GNB2: variants seen among roughly 807,000 people sequenced by gnomAD.
The protein encoded by GNB2 is G protein subunit beta 2.
Under a neutral mutation model 40.7 loss-of-function variants are expected in GNB2, and 7 were observed. That is an observed-to-expected ratio of 0.17 (90% CI 0.10 to 0.32). The LOEUF is 0.32. GNB2 is among the 10% of genes least tolerant of loss of function. The pLI, the probability that GNB2 is intolerant of heterozygous loss-of-function variation, is 1.00. For missense variants in GNB2, 286 were observed against 473.0 expected (o/e 0.60, Z 3.67); for synonymous variants, 254 against 191.2 (o/e 1.33, Z -2.71).
Position 100,677,498 on chromosome 7 carries a change from G to A in GNB2, c.268G>A (p.Val90Ile), listed in dbSNP as rs199810512. The change falls in exon 6 of 10, where the codon GTC becomes ATC. Residue 90 changes from valine to isoleucine, a missense_variant and splice_region_variant. Val to Ile is a conservative substitution (Grantham distance 29). Coordinates refer to ENST00000303210, the MANE Select transcript of GNB2 (RefSeq NM_005273.4). ...IIWDSYTTNK[V>I]HAIPLRSSWV... ...CCCCGGCGCTTCCCCTGCTCCGCAG[G>A]TCCACGCCATCCCGCTGCGCTCCTC... The A allele has an allele frequency of 1.2e-5, 20 of 1,613,290 alleles. No homozygotes were observed. Among genetic ancestry groups the A allele is most frequent in the Admixed American group, 1.7e-5 (1 of 60,006 alleles).
intron 3 of GNB2, 24 bp downstream of exon 3, chr7:100,676,597 CG>C: frequency 6.3e-7 from 1 of 1,599,128 alleles, no homozygotes; most frequent in Non-Finnish European, 8.6e-7. Context: ...GTGGCCAGAG[CG>C]TAACTAGGGG....
rs1804399083 is a variant in GNB2 at position 100,678,135 on chromosome 7, G to A, written c.535G>A (p.Gly179Ser). The A allele has an allele frequency of 6.2e-7, 1 of 1,614,000 alleles. No homozygotes were observed. The stretch of plus-strand genomic sequence containing the variant: ...CATTGAGACAGGCCAGCAGACAGTG[G>A]GTTTTGCTGGACACAGTGGGGATGT... ...WDIETGQQTV[G>S]FAGHSGDVMS... Residue 179 changes from glycine (G) to serine (S), a missense_variant, in exon 8 of 10, where the codon GGT becomes AGT. Physicochemically the swap from Gly to Ser is moderately conservative, Grantham distance 56. Coordinates refer to ENST00000303210, the MANE Select transcript of GNB2 (RefSeq NM_005273.4).
intron 1 of GNB2, among the ~76,000 whole-genome samples, chr7:100,675,008 C>T (rs1455250361): frequency 1.3e-5 from 2 of 152,150 alleles, no homozygotes; most frequent in East Asian, 1.9e-4. Context: ...AGAGGAACGC[C>T]CTGCGCCTGG....
chr7:100,677,374 GA>G lies in GNB2; in HGVS notation c.227del (p.Asp76ValfsTer25). 1 of 1,613,968 alleles carries G rather than the reference GA, an allele frequency of 6.2e-7. No homozygotes were observed. Among genetic ancestry groups the G allele is most frequent in the Non-Finnish European group, 8.5e-7 (1 of 1,179,934 alleles). On this transcript the variant is annotated frameshift_variant, in exon 5 of 10. Coordinates refer to ENST00000303210, the MANE Select transcript of GNB2 (RefSeq NM_005273.4). LOFTEE classifies it high-confidence loss of function. ...CAGGCTGCTGGTCAGCGCCTCCCAGGATGGGAAGCTCATCATCTGGGACAGC... is the reference window on the plus strand; with the variant it reads ...CAGGCTGCTGGTCAGCGCCTCCCAGGTGGGAAGCTCATCATCTGGGACAGC... ...DSRLLVSASQ[D>X]GKLIIWDSYT... is the part of the protein sequence containing the mutation.
rs1248676239 is a variant in GNB2, at chr7:100,678,838, C to T, written c.*37C>T. The T allele has an allele frequency of 6.8e-7, 1 of 1,467,308 alleles. No individual in the cohort carries two copies. The highest frequency in any genetic ancestry group is 1.1e-5 in the South Asian group (1 of 88,064). 90.9% of individuals were successfully genotyped at this position (1,467,308 alleles called of 1,614,324 possible). ...CCACTGGGCCCAGGCCAGGAGGGGC[C>T]CTGCCCATGCCCACACTACAGGCCA... On this transcript the variant is annotated 3_prime_UTR_variant, in exon 10 of 10. Transcript: ENST00000303210.
Position 100,676,528 on chromosome 7 carries a change from C to T in GNB2, c.58-7C>T. 6.2e-7 allele frequency: 1 copy of T among 1,608,258 alleles called. No individual in the cohort carries two copies. ...TCGCGTCTCTCTGGCTCTGCCATCC[C>T]TTACAGGATGCCCGAAAAGCATGTG... On this transcript the variant is annotated splice_polypyrimidine_tract_variant and splice_region_variant and intron_variant, in intron 2 of 9. Transcript: ENST00000303210.
In GNB2 at chr7:100,678,450, G is replaced by A; in HGVS notation, c.752G>A (p.Arg251His). Residue 251 changes from arginine (R) to histidine (H), a missense_variant, in exon 9 of 10, where the codon CGC becomes CAC. By Grantham distance (29) the Arg-to-His change is conservative (BLOSUM62 0). Transcript: ENST00000303210. ...ACCGGCTCTGACGACGCCACGTGCC[G>A]CCTCTTCGACCTGCGGGCCGATCAG... is the stretch of plus-strand genomic sequence containing the variant. Reference protein sequence around the residue: ...FTTGSDDATCRLFDLRADQEL... With the variant: ...FTTGSDDATCHLFDLRADQEL... 6.2e-7 allele frequency: 1 copy of A among 1,613,670 alleles called. No homozygotes were observed. Among genetic ancestry groups the A allele is most frequent in the Non-Finnish European group, 8.5e-7 (1 of 1,179,988 alleles).
chr7:100,675,671 C>T (rs55695465), intron 1 of GNB2: 1 of 152,548 alleles, frequency 6.6e-6, no homozygotes. Flanking sequence ...TGACGGTTGC[C>T]TAGGCAACCC....
rs143353769 is a variant in GNB2, at chr7:100,676,713, A to G, written c.117A>G (p.Pro39=). ...TCCAGATCACAGCTGGGCTGGACCC[A>G]GTGGGGAGAATCCAGATGAGGACCC... ...TLTQITAGLD[P]VGRIQMRTRR... is the part of the protein sequence containing the mutation. The change falls in exon 4 of 10, where the codon CCA becomes CCG. Residue 39 remains proline, a synonymous_variant. Transcript: ENST00000303210. The G allele has an allele frequency of 3.7e-6, 6 of 1,611,852 alleles. No homozygotes were observed. The African/African-American group carries it at 8.0e-5, about 22-fold the overall frequency.
At chr7:100,676,601 ACT>A in intron 3 of GNB2, 28 bp downstream of exon 3, 1 of 1,598,828 alleles carries the variant, frequency 6.3e-7, no homozygotes, top group East Asian at 2.2e-5. Context: ...CCAGAGCGTA[ACT>A]AGGGGTTGAA....
intron 2 of GNB2, 86 bp downstream of exon 2, chr7:100,676,408 G>C (rs917462217): frequency 2.1e-4 from 271 of 1,283,610 alleles, no homozygotes; most frequent in Non-Finnish European, 4.1e-5. Context: ...GGTGGGGGAA[G>C]GGGGAGGGAG....
In GNB2 at chr7:100,678,285, A is replaced by G. The variant is rs1419086982; in HGVS notation, c.685A>G (p.Ile229Val). 1 of 1,613,510 alleles carries G rather than the reference A, an allele frequency of 6.2e-7. No individual in the cohort carries two copies. The highest frequency in any genetic ancestry group is 1.3e-5 in the African/African-American group (1 of 74,890). Residue 229 changes from isoleucine (I) to valine (V), a missense_variant, in exon 8 of 10, where the codon ATC (isoleucine) becomes GTC (valine). By Grantham distance (29) the Ile-to-Val change is conservative (BLOSUM62 3). Coordinates refer to ENST00000303210, the MANE Select transcript of GNB2 (RefSeq NM_005273.4). ...GACCTTCATCGGCCATGAATCCGAC[A>G]TCAATGCAGTGGCTGTGAGTTTTGG... Reference protein sequence around the residue: ...RQTFIGHESDINAVAFFPNGY... With the variant: ...RQTFIGHESDVNAVAFFPNGY...
intron 1 of GNB2, 112 bp downstream of exon 1, chr7:100,674,035 C>A (rs1055326895): frequency 1.3e-5 from 2 of 153,684 alleles, no homozygotes; most frequent in Non-Finnish European, 2.9e-5. Context: ...GACGTAACTC[C>A]CCAGACCTCC....
At chr7:100,678,041 G>A (rs1804395096) in intron 7 of GNB2, 57 bp from the exon 8 acceptor site, 2 of 1,420,550 alleles carry the variant, frequency 1.4e-6, no homozygotes, top group Admixed American at 3.4e-5. Context: ...GGGGAGAACA[G>A]GGACTCTGTT....
intron 1 of GNB2, among the ~76,000 whole-genome samples, chr7:100,674,889 G>C (rs1230377919): frequency 2.6e-5 from 4 of 152,172 alleles, no homozygotes; most frequent in Admixed American, 1.3e-4. Context: ...CTGGGGGTTG[G>C]GTAGAGTAAG....
In GNB2 at chr7:100,678,813, C is replaced by T. The variant is rs1360043178; in HGVS notation, c.*12C>T. 6.3e-7 allele frequency: 1 copy of T among 1,582,400 alleles called. No individual in the cohort carries two copies. The highest frequency in any genetic ancestry group is 1.7e-4 in the Middle Eastern group (1 of 5,984). On this transcript the variant is annotated 3_prime_UTR_variant, in exon 10 of 10. Coordinates refer to ENST00000303210, the MANE Select transcript of GNB2 (RefSeq NM_005273.4). ...AGATCTGGAACTAATGGCCCCACCCCCACTGGGCCCAGGCCAGGAGGGGCC... is the reference window on the plus strand; with the variant it reads ...AGATCTGGAACTAATGGCCCCACCCTCACTGGGCCCAGGCCAGGAGGGGCC...
intron 1 of GNB2, among the ~76,000 whole-genome samples, chr7:100,674,936 G>T (rs1454401758): frequency 6.6e-6 from 1 of 152,160 alleles, no homozygotes; most frequent in Non-Finnish European, 1.5e-5. Context: ...CGATTTTGAG[G>T]GTCACCCCTT....
Position 100,678,712 on chromosome 7 carries a change from G to C in GNB2, c.934G>C (p.Asp312His). The C allele has an allele frequency of 1.2e-6, 2 of 1,613,610 alleles. No individual in the cohort carries two copies. Among genetic ancestry groups the C allele is most frequent in the Non-Finnish European group, 8.5e-7 (1 of 1,179,898 alleles). ...CTTCACAGGAGTCCTCGCTGGCCAC[G>C]ACAACCGCGTGAGCTGCCTCGGGGT... ...GDRAGVLAGH[D>H]NRVSCLGVTD... Residue 312 changes from aspartate to histidine, a missense_variant, in exon 10 of 10, where the codon GAC becomes CAC. Physicochemically the swap from Asp to His is moderately conservative, Grantham distance 81. Transcript: ENST00000303210.
At chr7:100,676,400 TG>T in intron 2 of GNB2, 78 bp downstream of exon 2, 1 of 1,249,010 alleles carries the variant, frequency 8.0e-7, no homozygotes, top group South Asian at 1.2e-5. Flanking sequence ...AGGGTGTTGG[TG>T]GGGGAAGGGG....
Sources: allele counts gnomAD v4.1 joint callset (sites outside exome capture counted in the v4.1 genomes callset), GRCh38; gene constraint gnomAD v4.1.1; transcripts MANE v1.5; gene names NCBI Gene and HGNC (gene_info 2026-07-23, HGNC 2026-07-21).